Variants in ADGRV1 observed in about 807,000 individuals in gnomAD.
ADGRV1 encodes the protein adhesion G protein-coupled receptor V1.
A neutral mutation model predicts 596.2 loss-of-function variants in ADGRV1; 359 were observed. The ratio of observed to expected loss-of-function variants is 0.60; its 90% CI spans 0.55 to 0.66. The LOEUF (loss-of-function observed/expected upper bound fraction) is 0.66. Among genes scored for constraint, ADGRV1 ranks in the 30% least tolerant of loss-of-function variants. ADGRV1 has a pLI of 0.00. For missense variants in ADGRV1, 7,274 were observed against 7,575.6 expected (o/e 0.96, Z 1.48); for synonymous variants, 2,681 against 2,679.2 (o/e 1.00, Z -0.02).
rs1768932173 is a variant in ADGRV1 at position 90,653,423 on chromosome 5, G to C, written c.3849G>C (p.Leu1283=). 1 of 1,613,778 alleles carries C rather than the reference G, an allele frequency of 6.2e-7. No individual in the cohort carries two copies. The highest frequency in any genetic ancestry group is 8.5e-7 in the Non-Finnish European group (1 of 1,179,856). ...RQQGVFGDVQ[L]GWEILSSEFP... ...AGGGTGTGTTTGGTGATGTACAACT[G>C]GGCTGGGAAATACTGTCCAGTGAGT... The change falls in exon 20 of 90, where the codon CTG becomes CTC. Residue 1283 remains leucine (L), a synonymous_variant. Coordinates refer to ENST00000405460, the MANE Select transcript of ADGRV1 (RefSeq NM_032119.4).
chr5:90,863,970 T>A, intron 83 of ADGRV1, 113 bp downstream of exon 83: 4 of 692,148 alleles, frequency 5.8e-6, no homozygotes, highest in Non-Finnish European at 9.9e-6. Context: ...TGAAATAAAC[T>A]TGTTTAGTTT....
At chr5:90,640,865 T>A (rs1766882211) in intron 11 of ADGRV1, 1 of 152,582 alleles carries the variant, frequency 6.6e-6, no homozygotes, top group African/African-American at 2.4e-5. Context: ...GTCGTGTATT[T>A]TGGGTAAGTG....
intron 83 of ADGRV1, among the ~76,000 whole-genome samples, chr5:90,908,053 G>A (rs1772487008): frequency 6.6e-6 from 1 of 152,066 alleles, no homozygotes; most frequent in African/African-American, 2.4e-5. Context: ...CTTTCACCAC[G>A]TCTCTCTGGC....
chr5:90,876,266 C>T (rs1294804912), intron 83 of ADGRV1, among the ~76,000 whole-genome samples: 3 of 152,112 alleles, frequency 2.0e-5, no homozygotes, highest in Non-Finnish European at 4.4e-5. Context: ...AAAATCTTTG[C>T]ATTTAAGGAG....
At chr5:90,909,624 G>GA (rs148640589) in intron 83 of ADGRV1, among the ~76,000 whole-genome samples, 16 of 105,028 alleles carry the variant, frequency 1.5e-4, no homozygotes, top group Non-Finnish European at 2.2e-4. Flanking sequence ...TACGCAAAAA[G>GA]AAAAAAAAGA....
chr5:90,591,395 C>CA (rs35316951), intron 1 of ADGRV1, among the ~76,000 whole-genome samples: 1 of 150,316 alleles, frequency 6.7e-6, no homozygotes. Flanking sequence ...GACTCTGTCT[C>CA]AAAAAAAATA....
intron 85 of ADGRV1, among the ~76,000 whole-genome samples, chr5:91,064,376 T>C (rs565230568): frequency 6.6e-6 from 1 of 152,318 alleles, no homozygotes; most frequent in African/African-American, 2.4e-5. Flanking sequence ...GGTGTTATTT[T>C]CCCCATATAT....
chr5:90,633,208 G>A (rs531740049), intron 9 of ADGRV1, among the ~76,000 whole-genome samples: 4 of 152,072 alleles, frequency 2.6e-5, no homozygotes, highest in African/African-American at 9.7e-5. Flanking sequence ...ACAAAAAAAG[G>A]CTTATAGGCT....
chr5:90,926,593 T>A (rs1774490036), intron 83 of ADGRV1, among the ~76,000 whole-genome samples: 1 of 151,964 alleles, frequency 6.6e-6, no homozygotes, highest in Non-Finnish European at 1.5e-5. Context: ...AGCTCCTGGA[T>A]TCATTAATTT....
intron 85 of ADGRV1, among the ~76,000 whole-genome samples, chr5:91,000,184 A>G (rs775882501): frequency 6.6e-6 from 1 of 152,120 alleles, no homozygotes; most frequent in Non-Finnish European, 1.5e-5. Flanking sequence ...TCTCAATTTT[A>G]TCTCCTGCTT....
intron 47 of ADGRV1, among the ~76,000 whole-genome samples, 155 bp downstream of exon 47, chr5:90,725,387 G>A (rs1176691124): frequency 1.3e-5 from 2 of 151,526 alleles, no homozygotes; most frequent in African/African-American, 4.9e-5. Context: ...TCTTAATCCG[G>A]GGATATTTTT....
rs1580572703 is a variant in ADGRV1, at chr5:90,645,187, G to A, written c.2898+318G>A. Among the ~76,000 whole-genome samples, 4 of 152,276 alleles carry A rather than the reference G, an allele frequency of 2.6e-5. No individual in the cohort carries two copies. The South Asian group carries it at 8.3e-4, about 32-fold the overall frequency. Reference sequence around the variant, plus strand: ...CAAGGTCATCTATCAAGTGTCCTGTGGTGCAGTCTCAGCACCGGGACACGG... The same window carrying A: ...CAAGGTCATCTATCAAGTGTCCTGTAGTGCAGTCTCAGCACCGGGACACGG... On this transcript the variant is annotated intron_variant, in intron 15 of 89. Coordinates refer to ENST00000405460, the MANE Select transcript of ADGRV1 (RefSeq NM_032119.4).
At chr5:90,815,849 AT>A (rs1762841181) in intron 75 of ADGRV1, 113 bp downstream of exon 75, 2 of 637,970 alleles carry the variant, frequency 3.1e-6, no homozygotes, top group Non-Finnish European at 5.6e-6. Flanking sequence ...GTAGTGTCGA[AT>A]TTGGCACGTC....
At chr5:90,957,385 G>A (rs1777569011) in intron 83 of ADGRV1, among the ~76,000 whole-genome samples, 1 of 151,382 alleles carries the variant, frequency 6.6e-6, no homozygotes, top group Non-Finnish European at 1.5e-5. Flanking sequence ...GTACTTCTTT[G>A]GCTGTATACC....
rs1472079907 is a variant in ADGRV1 at position 90,648,207 on chromosome 5, T to C, written c.3289+443T>C. On this transcript the variant is annotated intron_variant, in intron 17 of 89. Coordinates refer to ENST00000405460, the MANE Select transcript of ADGRV1 (RefSeq NM_032119.4). ...GCTAACTTCAACTGTTTGATAATTC[T>C]CTGGAGCCATGGCCAAAATGAATGA... is the stretch of plus-strand genomic sequence containing the variant. Among the ~76,000 whole-genome samples, 3 of 152,188 alleles carry C rather than the reference T, an allele frequency of 2.0e-5. No homozygotes were observed. In the East Asian group the frequency reaches 5.8e-4, roughly 29 times the overall value.
At chr5:90,655,460 G>GT (rs1464288235) in intron 20 of ADGRV1, 2 of 151,962 alleles carry the variant, frequency 1.3e-5, no homozygotes, top group Non-Finnish European at 2.9e-5. Context: ...TGTTTTGGTT[G>GT]TTTTCTGTTC....
At chr5:90,754,853 T>C in intron 54 of ADGRV1, 130 bp from the exon 55 acceptor site, 1 of 648,188 alleles carries the variant, frequency 1.5e-6, no homozygotes, top group Non-Finnish European at 2.7e-6. Context: ...GAGTATACAT[T>C]GTCTTTGTTT....
intron 25 of ADGRV1, among the ~76,000 whole-genome samples, chr5:90,679,254 G>A (rs535947386): frequency 2.6e-5 from 4 of 150,978 alleles, no homozygotes; most frequent in East Asian, 3.9e-4. Context: ...AATAATTTAC[G>A]TTGGTGTAAA....
intron 50 of ADGRV1, among the ~76,000 whole-genome samples, chr5:90,734,341 A>G (rs536181311): frequency 2.6e-5 from 4 of 152,102 alleles, no homozygotes; most frequent in African/African-American, 4.8e-5. Context: ...CCTCCATACC[A>G]TTTTCCACAA....
Sources: allele counts gnomAD v4.1 joint callset (sites outside exome capture counted in the v4.1 genomes callset), GRCh38; gene constraint gnomAD v4.1.1; transcripts MANE v1.5; gene names NCBI Gene and HGNC (gene_info 2026-07-23, HGNC 2026-07-21).